UNC5D: variants seen among roughly 807,000 people sequenced by gnomAD.
UNC5D encodes the protein netrin receptor UNC5D.
UNC5D carries 39 observed loss-of-function variants against 105.4 expected under a neutral mutation model. That is an observed-to-expected ratio of 0.37 (90% confidence interval 0.29 to 0.48). UNC5D has a LOEUF of 0.48. Ranked by LOEUF, UNC5D falls within the 20% of genes least tolerant of loss-of-function variation. The pLI, the probability that UNC5D is intolerant of heterozygous loss-of-function variation, is 0.98. For synonymous variants in UNC5D, 452 were observed against 450.4 expected (o/e 1.00, Z -0.04); for missense variants, 991 against 1,202.4 (o/e 0.82, Z 2.60).
intron 16 of UNC5D, among the ~76,000 whole-genome samples, chr8:35,789,517 G>T (rs370243998): frequency 1.3e-4 from 20 of 151,790 alleles, no homozygotes; most frequent in African/African-American, 4.6e-4. Context: ...ATAAATACTG[G>T]GATACTTGTT....
rs548329532 is a variant in UNC5D, at chr8:35,398,231, G to A, written c.104-151061G>A. 7.2e-5 allele frequency among the ~76,000 whole-genome samples: 11 copies of A among 152,272 alleles called. No individual in the cohort carries two copies. The East Asian group carries it at 1.2e-3, about 16-fold the overall frequency. ...CAACAACTGTAACCTGGGAATTTCAGTCACCCTACTAATAGGTCCTTCCCT... is the reference window on the plus strand; with the variant it reads ...CAACAACTGTAACCTGGGAATTTCAATCACCCTACTAATAGGTCCTTCCCT... On this transcript the variant is annotated intron_variant, in intron 1 of 16. Transcript: ENST00000404895.
intron 1 of UNC5D, among the ~76,000 whole-genome samples, chr8:35,434,634 A>G (rs532747999): frequency 1.2e-4 from 18 of 152,128 alleles, no homozygotes; most frequent in Non-Finnish European, 2.2e-4. Context: ...TTATAAATCA[A>G]GATACAAAAC....
intron 4 of UNC5D, among the ~76,000 whole-genome samples, chr8:35,658,644 CTTTTTTTTTTT>C (rs34252660): frequency 1.2e-5 from 1 of 84,366 alleles, no homozygotes; most frequent in Non-Finnish European, 2.3e-5. Context: ...TCATGAGTGA[CTTTTTTTTTTT>C]TTTTTTTTTT....
intron 1 of UNC5D, among the ~76,000 whole-genome samples, chr8:35,276,467 T>C (rs974012257): frequency 1.3e-5 from 2 of 152,180 alleles, no homozygotes; most frequent in African/African-American, 4.8e-5. Flanking sequence ...GCTGAGCATT[T>C]GTCAGTGTAC....
At chr8:35,530,762 G>A (rs1309497241) in intron 1 of UNC5D, among the ~76,000 whole-genome samples, 2 of 137,816 alleles carry the variant, frequency 1.5e-5, no homozygotes, top group Non-Finnish European at 3.1e-5. Flanking sequence ...ACTTCTTCCT[G>A]GTTTAGTCTT....
intron 2 of UNC5D, among the ~76,000 whole-genome samples, chr8:35,550,175 A>G (rs1444206308): frequency 6.6e-6 from 1 of 152,122 alleles, no homozygotes; most frequent in Non-Finnish European, 1.5e-5. Context: ...TTTGACAGAC[A>G]TTATGTATCT....
At chr8:35,630,710 G>T (rs372127160) in intron 4 of UNC5D, among the ~76,000 whole-genome samples, 1 of 152,048 alleles carries the variant, frequency 6.6e-6, no homozygotes, top group Non-Finnish European at 1.5e-5. Context: ...CGGGAAAAAG[G>T]CTGCTTAAAT....
At chr8:35,611,148 G>T (rs532711177) in intron 4 of UNC5D, among the ~76,000 whole-genome samples, 1 of 151,624 alleles carries the variant, frequency 6.6e-6, no homozygotes, top group Non-Finnish European at 1.5e-5. Context: ...CTCCCAAAAA[G>T]ATGTAAAGCC....
At chr8:35,382,782 G>T in intron 1 of UNC5D, among the ~76,000 whole-genome samples, 1 of 152,316 alleles carries the variant, frequency 6.6e-6, no homozygotes, top group Non-Finnish European at 1.5e-5. Flanking sequence ...ATGCTGGTGA[G>T]ATTCTGCATG....
rs1219336383 is a variant in UNC5D at position 35,793,088 on chromosome 8, T to C, written c.*2525T>C. 2.2e-6 allele frequency: 1 copy of C among 453,210 alleles called. No individual in the cohort carries two copies. The highest frequency in any genetic ancestry group is 2.4e-5 in the Admixed American group (1 of 42,060). The allele number at this position is 453,210 out of a possible 1,614,324, so 28.1% of individuals were successfully genotyped here. On this transcript the variant is annotated 3_prime_UTR_variant, in exon 17 of 17. Coordinates refer to ENST00000404895, the MANE Select transcript of UNC5D (RefSeq NM_080872.4). ...TCAGCCTAAGATTCAATCAAATTCA[T>C]CCTTCAGCCTGTCTTGTTTCTTCTT... is the stretch of plus-strand genomic sequence containing the variant.
rs768657764 is a variant in UNC5D, at chr8:35,748,611, A to G, written c.1851A>G (p.Ala617=). 6.2e-6 allele frequency: 10 copies of G among 1,613,930 alleles called. No homozygotes were observed. In the Admixed American group the frequency reaches 8.3e-5, roughly 13 times the overall value. ...PPDMIVTTPF[A]LTIPHCADVS... is the part of the protein sequence containing the mutation. Reference sequence around the variant, plus strand: ...ACATGATCGTCACCACTCCCTTTGCATTGACCATCCCGCACTGTGCAGATG... The same window carrying G: ...ACATGATCGTCACCACTCCCTTTGCGTTGACCATCCCGCACTGTGCAGATG... The change falls in exon 12 of 17, where the codon GCA becomes GCG. Residue 617 remains alanine, a synonymous_variant. Coordinates refer to ENST00000404895, the MANE Select transcript of UNC5D (RefSeq NM_080872.4).
rs929929831 is a variant in UNC5D, at chr8:35,752,263, T to C, written c.2163+1454T>C. 2.6e-5 allele frequency among the ~76,000 whole-genome samples: 4 copies of C among 152,188 alleles called. No individual in the cohort carries two copies. The South Asian group carries it at 6.2e-4, about 24-fold the overall frequency. ...TGTGTAAGCTCTGCCCATATATAAA[T>C]AGCATAGCTCTCCTGACACACCTCA... On this transcript the variant is annotated intron_variant, in intron 13 of 16. Coordinates refer to ENST00000404895, the MANE Select transcript of UNC5D (RefSeq NM_080872.4).
intron 4 of UNC5D, among the ~76,000 whole-genome samples, chr8:35,611,497 G>T (rs1000478495): frequency 6.6e-6 from 1 of 152,132 alleles, no homozygotes; most frequent in Non-Finnish European, 1.5e-5. Context: ...TACCTGAACT[G>T]GAAGGTTCTC....
chr8:35,348,576 A>T (rs1811971013), intron 1 of UNC5D, among the ~76,000 whole-genome samples: 1 of 151,904 alleles, frequency 6.6e-6, no homozygotes, highest in Non-Finnish European at 1.5e-5. Flanking sequence ...GAACTTTAAG[A>T]CTACAATGAA....
At chr8:35,696,170 C>A (rs1342092044) in intron 7 of UNC5D, among the ~76,000 whole-genome samples, 2 of 151,828 alleles carry the variant, frequency 1.3e-5, no homozygotes, top group Non-Finnish European at 2.9e-5. Context: ...GATTACTGTT[C>A]TGTTGTGAAC....
intron 4 of UNC5D, among the ~76,000 whole-genome samples, chr8:35,679,921 C>T (rs1359259678): frequency 6.6e-6 from 1 of 152,164 alleles, no homozygotes; most frequent in Admixed American, 6.5e-5. Context: ...GGTGGGGACT[C>T]CCTGCAGAGT....
intron 2 of UNC5D, among the ~76,000 whole-genome samples, chr8:35,556,357 C>T (rs569476950): frequency 2.0e-5 from 3 of 152,134 alleles, no homozygotes; most frequent in East Asian, 3.9e-4. Context: ...TACTTGCATG[C>T]GATTCAGTCA....
At chr8:35,418,392 A>C (rs945988289) in intron 1 of UNC5D, among the ~76,000 whole-genome samples, 4 of 152,154 alleles carry the variant, frequency 2.6e-5, no homozygotes, top group African/African-American at 9.7e-5. Context: ...AGCTTGCTTC[A>C]TACTTGACAT....
chr8:35,737,683 T>C (rs772777137), intron 11 of UNC5D, among the ~76,000 whole-genome samples: 8 of 152,240 alleles, frequency 5.3e-5, no homozygotes, highest in Non-Finnish European at 1.0e-4. Flanking sequence ...CAAAATCTTC[T>C]GCCTTCCTTT....
Sources: allele counts gnomAD v4.1 joint callset (sites outside exome capture counted in the v4.1 genomes callset), GRCh38; gene constraint gnomAD v4.1.1; transcripts MANE v1.5; gene names NCBI Gene and HGNC (gene_info 2026-07-23, HGNC 2026-07-21).